The following CTNNBIP1 variants were observed in gnomAD, a reference collection of about 807,000 sequenced individuals.
CTNNBIP1 encodes beta-catenin-interacting protein 1.
A neutral mutation model predicts 11.8 loss-of-function variants in CTNNBIP1; 7 were observed. The ratio of observed to expected loss-of-function variants is 0.60; its 90% CI spans 0.34 to 1.12. CTNNBIP1 has a LOEUF of 1.12. CTNNBIP1 is among the 50% of genes most tolerant of loss of function. CTNNBIP1 has a pLI of 0.03. For synonymous variants in CTNNBIP1, 58 were observed against 43.9 expected, an observed-to-expected ratio of 1.32 and a Z score of -1.26; for missense variants, 101 against 113.4, an observed-to-expected ratio of 0.89 and a Z score of 0.50.
chr1:9,852,102 G>A (rs972156170), intron 5 of CTNNBIP1, among the ~76,000 whole-genome samples: 2 of 152,184 alleles, frequency 1.3e-5, no homozygotes, highest in African/African-American at 4.8e-5. Flanking sequence ...GGGCCAGTGT[G>A]GGGAGTGTGA....
chr1:9,877,316 G>A (rs749173530), intron 3 of CTNNBIP1, among the ~76,000 whole-genome samples: 9 of 152,168 alleles, frequency 5.9e-5, no homozygotes, highest in East Asian at 1.9e-4. Context: ...TGACAGGCAC[G>A]AGTGGCCCTG....
At chr1:9,875,810 C>T (rs960603834) in intron 3 of CTNNBIP1, among the ~76,000 whole-genome samples, 1 of 152,204 alleles carries the variant, frequency 6.6e-6, no homozygotes, top group Non-Finnish European at 1.5e-5. Flanking sequence ...CCTTCCCATT[C>T]CAACCCAAAC....
At chr1:9,854,951 A>G (rs374235149) in intron 5 of CTNNBIP1, among the ~76,000 whole-genome samples, 10 of 152,356 alleles carry the variant, frequency 6.6e-5, no homozygotes, top group African/African-American at 1.4e-4. Context: ...TGCTGGGATT[A>G]CAGGCTTGAG....
Position 9,849,025 on chromosome 1 carries a change from A to G in CTNNBIP1, c.*1693T>C, listed in dbSNP as rs1181902447. 6.6e-6 allele frequency: 1 copy of G among 152,120 alleles called. No individual in the cohort carries two copies. The highest frequency in any genetic ancestry group is 1.5e-5 in the Non-Finnish European group (1 of 68,060). The allele number at this position is 152,120 out of a possible 1,614,324, so 9.4% of individuals were successfully genotyped here. On this transcript the variant is annotated 3_prime_UTR_variant, in exon 6 of 6. Coordinates refer to ENST00000377263, the MANE Select transcript of CTNNBIP1 (RefSeq NM_020248.3). The stretch of plus-strand genomic sequence containing the variant: ...TGAGAGGGTCCCACTGGCCCTGGGC[A>G]CCTAGGGGCCTCAGCATCTACCAGC...
At position 9,900,992 on chromosome 1, in the gene CTNNBIP1, G is replaced by C. The variant is rs1187941012; in HGVS notation, c.-144+9103C>G. Among the ~76,000 whole-genome samples the C allele has an allele frequency of 2.0e-5, 3 of 152,138 alleles. No homozygotes were observed. In the South Asian group the frequency reaches 6.2e-4, roughly 32 times the overall value. Reference sequence around the variant, plus strand: ...GGCAGGTACTTTTGCTCCCTTCTTGGTAAGTAAAATGGGATTATTCAGGGG... The same window carrying C: ...GGCAGGTACTTTTGCTCCCTTCTTGCTAAGTAAAATGGGATTATTCAGGGG... On this transcript the variant is annotated intron_variant, in intron 1 of 5. Coordinates refer to ENST00000377263, the MANE Select transcript of CTNNBIP1 (RefSeq NM_020248.3).
intron 1 of CTNNBIP1, among the ~76,000 whole-genome samples, chr1:9,885,278 G>A (rs891783835): frequency 3.9e-5 from 6 of 152,120 alleles, no homozygotes; most frequent in African/African-American, 1.4e-4. Flanking sequence ...ATTGAGATGG[G>A]GAGAAGCAAG....
intron 1 of CTNNBIP1, among the ~76,000 whole-genome samples, chr1:9,904,915 C>A (rs1639588503): frequency 6.6e-6 from 1 of 152,136 alleles, no homozygotes; most frequent in African/African-American, 2.4e-5. Context: ...CAATAAAATG[C>A]AGGACACACA....
Position 9,865,634 on chromosome 1 carries a change from GA to G in CTNNBIP1, c.187+5552del, listed in dbSNP as rs970111277. Among the ~76,000 whole-genome samples the G allele has an allele frequency of 1.2e-4, 18 of 150,272 alleles. No individual in the cohort carries two copies. In the East Asian group the frequency reaches 1.4e-3, roughly 11 times the overall value. On this transcript the variant is annotated intron_variant, in intron 5 of 5. Transcript: ENST00000377263. ...ACAAAACAAAACAAAAAAACAACAA[GA>G]AAAAAAAACAGGTATTAAAATGTTT...
chr1:9,908,115 G>A (rs1460376904), intron 1 of CTNNBIP1, among the ~76,000 whole-genome samples: 1 of 152,232 alleles, frequency 6.6e-6, no homozygotes, highest in East Asian at 1.9e-4. Flanking sequence ...CTGGAGTGCA[G>A]TGGCGCAATC....
chr1:9,885,695 G>C (rs550375825), intron 1 of CTNNBIP1, among the ~76,000 whole-genome samples: 17 of 151,426 alleles, frequency 1.1e-4, no homozygotes, highest in Non-Finnish European at 1.8e-4. Context: ...TGTAATCCCA[G>C]AACTTTGGGA....
chr1:9,890,319 A>G (rs987848442), intron 1 of CTNNBIP1, among the ~76,000 whole-genome samples: 1 of 152,212 alleles, frequency 6.6e-6, no homozygotes, highest in Admixed American at 6.5e-5. Flanking sequence ...CTATGTCTTC[A>G]GGCTCTACTG....
intron 5 of CTNNBIP1, among the ~76,000 whole-genome samples, chr1:9,866,881 G>A (rs765582897): frequency 2.0e-5 from 3 of 152,012 alleles, no homozygotes; most frequent in Non-Finnish European, 4.4e-5. Flanking sequence ...GGGAGAGAAT[G>A]AAGCAGGTCT....
chr1:9,854,125 A>G (rs1474353002), intron 5 of CTNNBIP1, among the ~76,000 whole-genome samples: 5 of 152,192 alleles, frequency 3.3e-5, no homozygotes, highest in Non-Finnish European at 7.4e-5. Flanking sequence ...CTGTAATCCC[A>G]GCACTTTGGG....
In CTNNBIP1 at chr1:9,871,995, G is replaced by A; in HGVS notation, c.70C>T (p.Leu24Phe). The A allele has an allele frequency of 1.2e-6, 2 of 1,614,122 alleles. No homozygotes were observed. Among genetic ancestry groups the A allele is most frequent in the South Asian group, 1.1e-5 (1 of 91,084 alleles). Residue 24 changes from leucine (L) to phenylalanine (F), a missense_variant, in exon 4 of 6, where the codon CTC becomes TTC. Leu to Phe is a conservative substitution (Grantham distance 22). Transcript: ENST00000377263. This position sits in a 1 kb window ranked among gnomAD's most constrained non-coding sequence, Gnocchi z 5.2. Reference protein sequence around the residue: ...MYIQQKVRVLLMLRKMGSNLT... With the variant: ...MYIQQKVRVLFMLRKMGSNLT... ...TTTGATCCCATCTTCCGCAGCATGA[G>A]CAGCACTCGGACCTTCTGCTGAATG...
Position 9,886,052 on chromosome 1 carries a change from T to C in CTNNBIP1, c.-143-2314A>G, listed in dbSNP as rs369410389. Among the ~76,000 whole-genome samples the C allele has an allele frequency of 2.6e-5, 4 of 151,506 alleles. No individual in the cohort carries two copies. The East Asian group carries it at 5.8e-4, about 22-fold the overall frequency. ...AAATGACACAGACCATGTAAGTAAA[T>C]GCTTTTTGTTACAGTATGGGGGATG... On this transcript the variant is annotated intron_variant, in intron 1 of 5. Transcript: ENST00000377263.
chr1:9,888,866 G>T lies in CTNNBIP1; in HGVS notation c.-143-5128C>A, dbSNP rs912064732. ...CCAGGTCCAGAGCTCTCTGATGAAG[G>T]CCCTTTCGGAAGGTTCTGGGAGCAT... On this transcript the variant is annotated intron_variant, in intron 1 of 5. Coordinates refer to ENST00000377263, the MANE Select transcript of CTNNBIP1 (RefSeq NM_020248.3). Among the ~76,000 whole-genome samples the T allele has an allele frequency of 5.3e-5, 8 of 152,336 alleles. No homozygotes were observed. The South Asian group carries it at 1.7e-3, about 32-fold the overall frequency.
intron 1 of CTNNBIP1, among the ~76,000 whole-genome samples, chr1:9,909,506 G>A (rs531278738): frequency 3.8e-4 from 58 of 152,264 alleles, no homozygotes; most frequent in Non-Finnish European, 7.2e-4. Flanking sequence ...AAAAAGGAAG[G>A]TGGTTGGGGT....
At position 9,864,477 on chromosome 1, in the gene CTNNBIP1, C is replaced by G. The variant is rs933253294; in HGVS notation, c.187+6710G>C. Among the ~76,000 whole-genome samples, 4 of 152,318 alleles carry G rather than the reference C, an allele frequency of 2.6e-5. No individual in the cohort carries two copies. In the South Asian group the frequency reaches 8.3e-4, roughly 32 times the overall value. ...CTGAGTAGCCAGGACTACAGGCGCC[C>G]GCCACCACGCCCGGCTAATTTTTTG... On this transcript the variant is annotated intron_variant, in intron 5 of 5. Transcript: ENST00000377263.
intron 3 of CTNNBIP1, among the ~76,000 whole-genome samples, chr1:9,875,581 G>C (rs114146516): frequency 6.6e-6 from 1 of 152,234 alleles, no homozygotes; most frequent in African/African-American, 2.4e-5. Context: ...GTCTGCGCCT[G>C]CATTTTGGAG....
Sources: gnomAD v4.1 joint callset for allele counts (sites outside exome capture counted in the v4.1 genomes callset) on GRCh38, gnomAD v4.1.1 for gene constraint, Gnocchi (gnomAD v3.1) non-coding constraint, MANE v1.5 for transcripts, NCBI Gene and HGNC (gene_info 2026-07-23, HGNC 2026-07-21) for gene names.